Variants in NDUFAF6 observed in about 807,000 individuals in gnomAD.
The protein encoded by NDUFAF6 is NADH:ubiquinone oxidoreductase complex assembly factor 6, also known as NADH dehydrogenase (ubiquinone) complex I, assembly factor 6.
In NDUFAF6, 45 loss-of-function variants were observed where a neutral mutation model predicts 40.8. That is an observed-to-expected ratio of 1.10 (90% CI 0.87 to 1.42). The LOEUF (loss-of-function observed/expected upper bound fraction) is 1.42. Ranked by LOEUF, NDUFAF6 falls within the 40% of genes most tolerant of loss-of-function variation. NDUFAF6 has a pLI of 0.00. For synonymous variants in NDUFAF6, 185 were observed against 155.9 expected, an observed-to-expected ratio of 1.19 and a Z score of -1.39; for missense variants, 435 against 418.5, an observed-to-expected ratio of 1.04 and a Z score of -0.34.
At chr8:95,036,994 T>C (rs1829579283) in intron 3 of NDUFAF6, among the ~76,000 whole-genome samples, 1 of 152,208 alleles carries the variant, frequency 6.6e-6, no homozygotes, top group Admixed American at 6.5e-5. Context: ...GTATTTGAAG[T>C]GTTGGGTTCT....
At chr8:95,041,277 C>T (rs2131850242) in intron 3 of NDUFAF6, among the ~76,000 whole-genome samples, 1 of 152,166 alleles carries the variant, frequency 6.6e-6, no homozygotes, top group Middle Eastern at 3.4e-3. Context: ...GTACTTAATG[C>T]TTAATTCTGG....
intron 2 of NDUFAF6, among the ~76,000 whole-genome samples, chr8:95,090,333 G>A (rs947412506): frequency 6.6e-6 from 1 of 152,208 alleles, no homozygotes; most frequent in Non-Finnish European, 1.5e-5. Context: ...ATGATAACGT[G>A]AGTTGTTGTA....
upstream of NDUFAF6, among the ~76,000 whole-genome samples, chr8:95,095,488 G>A (rs114189021): frequency 1.7e-3 from 263 of 152,214 alleles, 1 homozygote; most frequent in African/African-American, 6.0e-3. Context: ...GAGTGCAGGG[G>A]AATCCAGCAC....
chr8:95,071,060 C>T (rs1311056798), intron 9 of NDUFAF6, among the ~76,000 whole-genome samples: 1 of 152,116 alleles, frequency 6.6e-6, no homozygotes, highest in Non-Finnish European at 1.5e-5. Context: ...AACCAGCTAG[C>T]TTTGCATGTG....
At chr8:95,092,066 CT>C (rs11323241) in intron 2 of NDUFAF6, among the ~76,000 whole-genome samples, 106,417 of 151,504 alleles carry the variant, frequency 0.7, 38,168 homozygotes, top group East Asian at 0.89. Context: ...TATATCAGGA[CT>C]TAGTGTTCCC....
chr8:95,031,219 G>A (rs960234760), intron 1 of NDUFAF6, among the ~76,000 whole-genome samples: 3 of 152,188 alleles, frequency 2.0e-5, no homozygotes, highest in East Asian at 1.9e-4. Flanking sequence ...CACCAATACC[G>A]GGAATGTGGG....
chr8:95,037,530 A>G (rs1829642536), intron 3 of NDUFAF6, among the ~76,000 whole-genome samples: 1 of 152,238 alleles, frequency 6.6e-6, no homozygotes, highest in Admixed American at 6.5e-5. Context: ...AATTTGGAAG[A>G]GAGGCCTATG....
chr8:94,902,134 A>G (rs1056423960), intron 1 of NDUFAF6, among the ~76,000 whole-genome samples: 1 of 152,146 alleles, frequency 6.6e-6, no homozygotes, highest in Admixed American at 6.5e-5. Flanking sequence ...TATGAAAGGT[A>G]TAGCCCGGGC....
intron 2 of NDUFAF6, among the ~76,000 whole-genome samples, chr8:94,983,438 G>A (rs1825608434): frequency 6.6e-6 from 1 of 151,632 alleles, no homozygotes; most frequent in Non-Finnish European, 1.5e-5. Context: ...GCTAATTTTT[G>A]TACTTTTAGT....
At chr8:95,000,427 C>T (rs547654567) in intron 2 of NDUFAF6, among the ~76,000 whole-genome samples, 109 of 152,106 alleles carry the variant, frequency 7.2e-4, no homozygotes, top group African/African-American at 2.6e-3. Context: ...GCTAGAGATA[C>T]GGTGGGAAGG....
At chr8:94,939,419 C>T (rs1021302465) in intron 1 of NDUFAF6, among the ~76,000 whole-genome samples, 3 of 152,170 alleles carry the variant, frequency 2.0e-5, no homozygotes, top group African/African-American at 7.2e-5. Flanking sequence ...GTTTTTGAGA[C>T]AGAGTCTTGC....
chr8:95,045,718 T>C, intron 5 of NDUFAF6, 71 bp downstream of exon 5: 1 of 1,302,686 alleles, frequency 7.7e-7, no homozygotes. Flanking sequence ...TTTTCATAAT[T>C]TGGTAATCTA....
chr8:95,048,396 G>A, intron 6 of NDUFAF6, 61 bp from the exon 7 acceptor site: 1 of 1,159,916 alleles, frequency 8.6e-7, no homozygotes, highest in Admixed American at 1.7e-5. Context: ...TTCTTTCCTA[G>A]GTGAACTGTT....
chr8:94,954,070 T>C (rs534994126), upstream of NDUFAF6, among the ~76,000 whole-genome samples: 1 of 152,336 alleles, frequency 6.6e-6, no homozygotes, highest in African/African-American at 2.4e-5. Flanking sequence ...TTTTTTGTTT[T>C]GTTTTTTGTT....
intron 5 of NDUFAF6, chr8:95,115,791 G>A (rs1587291106): frequency 2.0e-5 from 3 of 152,220 alleles, no homozygotes; most frequent in African/African-American, 4.8e-5. Flanking sequence ...TTTGAGAGAA[G>A]GTGTGACCTC....
chr8:94,923,157 G>A (rs1819621115), intron 1 of NDUFAF6, among the ~76,000 whole-genome samples: 1 of 152,172 alleles, frequency 6.6e-6, no homozygotes, highest in African/African-American at 2.4e-5. Flanking sequence ...AGGAAGGAGG[G>A]TGGCCATGAA....
chr8:94,973,883 A>G (rs1453005103), intron 1 of NDUFAF6, among the ~76,000 whole-genome samples: 9 of 150,760 alleles, frequency 6.0e-5, no homozygotes, highest in Admixed American at 6.0e-4. Context: ...GGCCCTCCCC[A>G]GACATGGAAT....
At position 95,053,925 on chromosome 8, in the gene NDUFAF6, C is replaced by CTTT. The variant is rs71273448; in HGVS notation, c.873+1720_873+1722dup. 8.1e-3 allele frequency among the ~76,000 whole-genome samples: 299 copies of CTTT among 37,034 alleles called. 63 individuals carry two copies. The highest frequency in any genetic ancestry group is 9.6e-3 in the African/African-American group (104 of 10,824). The allele number at this position is 37,034 out of a possible 152,430, so 24.3% of individuals were successfully genotyped here. A position where few individuals can be genotyped will look rare whatever the true frequency, so the allele number is the denominator to read the frequency against. ...TACAGGTGTGAGCCACCGTGCCCGG[C>CTTT]TTTTTTTTTTTTTTTTTTTTTTTTT... On this transcript the variant is annotated intron_variant, in intron 8 of 8. Coordinates refer to ENST00000396124, the MANE Select transcript of NDUFAF6 (RefSeq NM_152416.4).
At chr8:95,096,580 T>A (rs1482821535), upstream of NDUFAF6, among the ~76,000 whole-genome samples, 1 of 152,222 alleles carries the variant, frequency 6.6e-6, no homozygotes, top group African/African-American at 2.4e-5. Flanking sequence ...ATTCTTCTCA[T>A]TTTATGGATG....
Sources: gnomAD v4.1 joint callset for allele counts (sites outside exome capture counted in the v4.1 genomes callset) on GRCh38, gnomAD v4.1.1 for gene constraint, MANE v1.5 for transcripts, NCBI Gene and HGNC (gene_info 2026-07-23, HGNC 2026-07-21) for gene names.